DAB1: variants seen among roughly 807,000 people sequenced by gnomAD.
DAB1 encodes DAB adaptor protein 1.
Under a neutral mutation model 64.6 loss-of-function variants are expected in DAB1, and 15 were observed. That is an observed-to-expected ratio of 0.23 (90% CI 0.16 to 0.36). DAB1 has a LOEUF of 0.36. DAB1 is among the 10% of genes least tolerant of loss of function. The pLI, the probability that DAB1 is intolerant of heterozygous loss-of-function variation, is 1.00. For missense variants in DAB1, 596 were observed against 706.7 expected, an observed-to-expected ratio of 0.84 and a Z score of 1.78; for synonymous variants, 235 against 251.9, an observed-to-expected ratio of 0.93 and a Z score of 0.64.
rs1643988342 is a variant in DAB1 at position 58,345,700 on chromosome 1, C to T, written n.258-2297G>A. Among the ~76,000 whole-genome samples, 3 of 152,084 alleles carry T rather than the reference C, an allele frequency of 2.0e-5. No homozygotes were observed. In the South Asian group the frequency reaches 6.2e-4, roughly 32 times the overall value. ...TGTACTTAAGAGGCCAGAGATACTC[C>T]AATCCCCTCTCCTGAGCTTCCCTCG... On this transcript the variant is annotated intron_variant and non_coding_transcript_variant, in intron 3 of 20. Coordinates refer to the DAB1 transcript ENST00000485760.
intron 4 of DAB1, among the ~76,000 whole-genome samples, chr1:58,285,532 G>C (rs549966109): frequency 6.9e-4 from 105 of 152,168 alleles, no homozygotes; most frequent in African/African-American, 2.5e-3. Flanking sequence ...CAACAGGCAA[G>C]CAGAGAGCCA....
At chr1:57,285,066 T>A (rs963755524) in intron 2 of DAB1, among the ~76,000 whole-genome samples, 6 of 152,190 alleles carry the variant, frequency 3.9e-5, no homozygotes, top group African/African-American at 7.2e-5. Context: ...TAATTGATGA[T>A]CCCTGGGTAT....
intron 2 of DAB1, among the ~76,000 whole-genome samples, chr1:57,225,362 G>A (rs1667184141): frequency 6.6e-6 from 1 of 152,190 alleles, no homozygotes; most frequent in Non-Finnish European, 1.5e-5. Flanking sequence ...AGATTGGACT[G>A]AATTGGACTA....
chr1:57,046,034 T>C (rs565755938), intron 9 of DAB1, among the ~76,000 whole-genome samples: 2 of 152,326 alleles, frequency 1.3e-5, no homozygotes, highest in Admixed American at 1.3e-4. Flanking sequence ...TTCTTATCCA[T>C]ACAATGGAGA....
intron 1 of DAB1, among the ~76,000 whole-genome samples, chr1:57,363,168 T>C (rs1432143524): frequency 1.3e-5 from 2 of 152,220 alleles, no homozygotes; most frequent in African/African-American, 4.8e-5. Flanking sequence ...TTCAAATGGT[T>C]AGTTGTGTTG....
intron 1 of DAB1, among the ~76,000 whole-genome samples, chr1:57,405,575 A>C: frequency 6.6e-6 from 1 of 152,230 alleles, no homozygotes; most frequent in South Asian, 2.1e-4. Flanking sequence ...ATTTTTAAAC[A>C]GAGGGATTTC....
chr1:58,008,540 A>C (rs1282138467), intron 5 of DAB1, among the ~76,000 whole-genome samples: 1 of 152,164 alleles, frequency 6.6e-6, no homozygotes, highest in African/African-American at 2.4e-5. Context: ...AAGATTAAAA[A>C]GCTGGAAATC....
intron 1 of DAB1, among the ~76,000 whole-genome samples, chr1:57,368,237 G>T (rs1680220195): frequency 6.6e-6 from 1 of 152,190 alleles, no homozygotes; most frequent in African/African-American, 2.4e-5. Flanking sequence ...CCTGCAGGGG[G>T]CCCCTTGGCA....
At chr1:57,925,898 G>T (rs1309835738) in intron 5 of DAB1, among the ~76,000 whole-genome samples, 1 of 152,200 alleles carries the variant, frequency 6.6e-6, no homozygotes, top group Non-Finnish European at 1.5e-5. Flanking sequence ...GATTTAAACA[G>T]GTCTGGGGTT....
At chr1:57,102,415 C>T (rs1351106061) in intron 4 of DAB1, among the ~76,000 whole-genome samples, 3 of 152,336 alleles carry the variant, frequency 2.0e-5, no homozygotes, top group African/African-American at 7.2e-5. Context: ...AGAGGCTACA[C>T]TACTGTCTAC....
chr1:57,522,651 T>A (rs1235706882), intron 7 of DAB1, among the ~76,000 whole-genome samples: 1 of 152,158 alleles, frequency 6.6e-6, no homozygotes, highest in African/African-American at 2.4e-5. Context: ...ACATTGAGAA[T>A]CAACTTGATT....
At chr1:57,903,450 T>C (rs907427779) in intron 5 of DAB1, among the ~76,000 whole-genome samples, 4 of 152,152 alleles carry the variant, frequency 2.6e-5, no homozygotes, top group African/African-American at 9.7e-5. Flanking sequence ...CCTTATTCTT[T>C]TGGTTGAGTA....
intron 9 of DAB1, among the ~76,000 whole-genome samples, chr1:57,058,876 C>T (rs750500270): frequency 1.1e-4 from 16 of 152,184 alleles, no homozygotes; most frequent in Admixed American, 3.3e-4. Context: ...ATTGCAAAGC[C>T]GCGTGAGATG....
intron 6 of DAB1, among the ~76,000 whole-genome samples, chr1:57,703,517 TTAAAAAA>T (rs1370250186): frequency 2.0e-5 from 3 of 152,000 alleles, no homozygotes; most frequent in African/African-American, 7.2e-5. Flanking sequence ...ATGGCTATTA[TTAAAAAA>T]TAAAAAATAA....
chr1:58,326,717 C>A (rs1213636), intron 4 of DAB1, among the ~76,000 whole-genome samples: 29,908 of 152,048 alleles, frequency 0.2, 3,098 homozygotes, highest in Middle Eastern at 0.31. Context: ...GGGAGAGAAG[C>A]TGAAGTTTAT....
intron 6 of DAB1, among the ~76,000 whole-genome samples, chr1:57,690,121 T>C (rs918351663): frequency 6.6e-6 from 1 of 152,200 alleles, no homozygotes; most frequent in African/African-American, 2.4e-5. Flanking sequence ...TACTCCATTG[T>C]GTAAAAGTAC....
intron 6 of DAB1, among the ~76,000 whole-genome samples, chr1:57,778,743 T>C (rs1649932373): frequency 6.6e-6 from 1 of 152,172 alleles, no homozygotes; most frequent in Non-Finnish European, 1.5e-5. Context: ...AAAATTGTGA[T>C]TATGGATCCT....
chr1:58,460,762 T>C (rs1179614277), intron 3 of DAB1, among the ~76,000 whole-genome samples: 1 of 152,108 alleles, frequency 6.6e-6, no homozygotes, highest in Non-Finnish European at 1.5e-5. Flanking sequence ...GGAAAAAACA[T>C]ATTGGCCTTT....
At chr1:58,232,730 A>G (rs1266947819) in intron 4 of DAB1, among the ~76,000 whole-genome samples, 2 of 152,102 alleles carry the variant, frequency 1.3e-5, no homozygotes, top group African/African-American at 4.8e-5. Flanking sequence ...ATGACAGGAG[A>G]TTTGCTGATA....
Sources: gnomAD v4.1 joint callset for allele counts (sites outside exome capture counted in the v4.1 genomes callset) on GRCh38, gnomAD v4.1.1 for gene constraint, MANE v1.5 for transcripts, NCBI Gene and HGNC (gene_info 2026-07-23, HGNC 2026-07-21) for gene names.